Variants in GSG1L observed in about 807,000 individuals in gnomAD.
GSG1L encodes germ cell-specific gene 1-like protein.
GSG1L carries 24 observed loss-of-function variants against 42.1 expected under a neutral mutation model. The ratio of observed to expected loss-of-function variants is 0.57; its 90% CI spans 0.41 to 0.80. The LOEUF (loss-of-function observed/expected upper bound fraction) is 0.80. Among genes scored for constraint, GSG1L ranks in the 30% least tolerant of loss-of-function variants. The probability of loss-of-function intolerance (pLI) is 0.00; values close to 1 mark genes in which losing one functional copy is unlikely to be tolerated. For synonymous variants in GSG1L, 215 were observed against 203.5 expected, an observed-to-expected ratio of 1.06 and a Z score of -0.48; for missense variants, 445 against 472.2, an observed-to-expected ratio of 0.94 and a Z score of 0.53.
intron 1 of GSG1L, among the ~76,000 whole-genome samples, chr16:28,003,805 A>T (rs2085606682): frequency 6.6e-6 from 1 of 152,078 alleles, no homozygotes; most frequent in Non-Finnish European, 1.5e-5. Context: ...GGTTCCTCGG[A>T]CCTTAGGGAG....
At chr16:27,868,211 G>A (rs1287547772) in intron 3 of GSG1L, among the ~76,000 whole-genome samples, 1 of 152,194 alleles carries the variant, frequency 6.6e-6, no homozygotes, top group African/African-American at 2.4e-5. Context: ...ATGGCCAGCC[G>A]GGAAGGGGAA....
chr16:27,828,987 G>A (rs187187240), intron 4 of GSG1L, 31 bp from the exon 5 acceptor site: 26 of 1,608,262 alleles, frequency 1.6e-5, no homozygotes, highest in Middle Eastern at 1.7e-4. Context: ...AGATGCCATC[G>A]TGAGGGTGGG....
chr16:27,915,232 CA>C, intron 2 of GSG1L, among the ~76,000 whole-genome samples: 2 of 147,582 alleles, frequency 1.4e-5, no homozygotes, highest in African/African-American at 5.1e-5. Context: ...CACACACACA[CA>C]CACACACCCT....
intron 5 of GSG1L, among the ~76,000 whole-genome samples, chr16:27,828,050 T>TCATCCATC (rs57317132): frequency 4.1e-3 from 543 of 131,180 alleles, no homozygotes; most frequent in African/African-American, 5.5e-3. Context: ...ATCCACCCAA[T>TCATCCATC]CATCCATCCA....
At chr16:27,983,190 C>A (rs957146231) in intron 1 of GSG1L, among the ~76,000 whole-genome samples, 8 of 152,038 alleles carry the variant, frequency 5.3e-5, no homozygotes, top group Non-Finnish European at 1.0e-4. Flanking sequence ...CAAAAATTAG[C>A]TGGGCATGGC....
intron 2 of GSG1L, among the ~76,000 whole-genome samples, chr16:27,890,948 G>A (rs966737047): frequency 6.6e-6 from 1 of 152,176 alleles, no homozygotes; most frequent in Non-Finnish European, 1.5e-5. Flanking sequence ...AGCCGGTGCG[G>A]TGCTCCCAGC....
intron 2 of GSG1L, among the ~76,000 whole-genome samples, chr16:27,926,388 T>C (rs1385962395): frequency 6.6e-6 from 1 of 152,064 alleles, no homozygotes; most frequent in Non-Finnish European, 1.5e-5. Context: ...AGATGGTTGA[T>C]TGCAGGCACA....
chr16:28,049,596 A>G (rs577379996), intron 1 of GSG1L, among the ~76,000 whole-genome samples: 2 of 151,908 alleles, frequency 1.3e-5, no homozygotes, highest in East Asian at 3.9e-4. Context: ...CTGAGATGGG[A>G]GGATCACCTA....
intron 5 of GSG1L, chr16:27,824,028 C>A (rs1056868434): frequency 4.5e-6 from 3 of 671,680 alleles, no homozygotes; most frequent in South Asian, 1.6e-5. Context: ...CAGATAATAA[C>A]GAGATTATCA....
At chr16:27,862,779 C>A (rs2141001533) in intron 3 of GSG1L, among the ~76,000 whole-genome samples, 1 of 152,346 alleles carries the variant, frequency 6.6e-6, no homozygotes, top group South Asian at 2.1e-4. Flanking sequence ...TCTTTACCAA[C>A]ACCTACGCTC....
chr16:27,886,631 C>A (rs1224905723), intron 2 of GSG1L, among the ~76,000 whole-genome samples: 2 of 152,152 alleles, frequency 1.3e-5, no homozygotes, highest in African/African-American at 4.8e-5. Flanking sequence ...AAATACAGCC[C>A]AGGGGCTCTT....
chr16:27,975,653 T>G (rs2085242683), intron 1 of GSG1L, among the ~76,000 whole-genome samples: 1 of 152,174 alleles, frequency 6.6e-6, no homozygotes, highest in South Asian at 2.1e-4. Flanking sequence ...AGAATTCATA[T>G]TCTATCTCTC....
At position 27,943,156 on chromosome 16, in the gene GSG1L, G is replaced by A. The variant is rs578127588; in HGVS notation, c.397+20000C>T. On this transcript the variant is annotated intron_variant, in intron 2 of 6. Transcript: ENST00000447459. ...TACAGCCTCGAACTCCTGGCCTCAAGTGATCCTCCTGTCTTGGCCTCCCAA... is the reference window on the plus strand; with the variant it reads ...TACAGCCTCGAACTCCTGGCCTCAAATGATCCTCCTGTCTTGGCCTCCCAA... Among the ~76,000 whole-genome samples, 143 of 152,104 alleles carry A rather than the reference G, an allele frequency of 9.4e-4. 1 individual carries two copies. Among genetic ancestry groups the A allele is most frequent in the Non-Finnish European group, 1.8e-3 (120 of 67,996 alleles).
chr16:27,981,310 G>A (rs1425367097), intron 1 of GSG1L, among the ~76,000 whole-genome samples: 1 of 152,168 alleles, frequency 6.6e-6, no homozygotes, highest in African/African-American at 2.4e-5. Context: ...TGCTGGGCGG[G>A]CAGAGAAGAA....
chr16:27,839,496 C>A (rs1472499985), intron 4 of GSG1L, among the ~76,000 whole-genome samples: 1 of 152,226 alleles, frequency 6.6e-6, no homozygotes, highest in Non-Finnish European at 1.5e-5. Context: ...TTTCCACACT[C>A]CTGCTGTCAC....
At chr16:28,060,061 A>T (rs1473306214) in intron 1 of GSG1L, among the ~76,000 whole-genome samples, 4 of 151,792 alleles carry the variant, frequency 2.6e-5, no homozygotes, top group African/African-American at 4.8e-5. Context: ...AGCGGTGAGG[A>T]TCTCCTGGTT....
chr16:28,053,073 G>C (rs2086237165), intron 1 of GSG1L, among the ~76,000 whole-genome samples: 1 of 152,144 alleles, frequency 6.6e-6, no homozygotes, highest in Admixed American at 6.5e-5. Flanking sequence ...GGGGCTTTCA[G>C]CCTCCCATGC....
intron 2 of GSG1L, among the ~76,000 whole-genome samples, chr16:27,925,448 T>G (rs1300759277): frequency 6.6e-6 from 1 of 152,096 alleles, no homozygotes; most frequent in Admixed American, 6.6e-5. Flanking sequence ...GAGAAGTGTT[T>G]AAATGCTGAC....
At position 27,866,765 on chromosome 16, in the gene GSG1L, T is replaced by C. The variant is rs142983120; in HGVS notation, c.550+17721A>G. ...TTATGTATTTTTAGTAGAATCAGGG[T>C]TTCACCGCGTTGGCCAGGCTGGGGT... On this transcript the variant is annotated intron_variant, in intron 3 of 6. Coordinates refer to ENST00000447459, the MANE Select transcript of GSG1L (RefSeq NM_001109763.2). Among the ~76,000 whole-genome samples, 176 of 152,112 alleles carry C rather than the reference T, an allele frequency of 1.2e-3. 1 individual carries two copies. The highest frequency in any genetic ancestry group is 3.7e-3 in the African/African-American group (152 of 41,490).
Sources: gnomAD v4.1 joint callset for allele counts (sites outside exome capture counted in the v4.1 genomes callset) on GRCh38, gnomAD v4.1.1 for gene constraint, MANE v1.5 for transcripts, NCBI Gene and HGNC (gene_info 2026-07-23, HGNC 2026-07-21) for gene names.